Variants in TCF7L1 observed in about 807,000 individuals in gnomAD.
The protein encoded by TCF7L1 is transcription factor 7 like 1.
Under a neutral mutation model 63.7 loss-of-function variants are expected in TCF7L1, and 18 were observed. That is an observed-to-expected ratio of 0.28 (90% CI 0.20 to 0.42). The LOEUF (loss-of-function observed/expected upper bound fraction) is 0.42. Among genes scored for constraint, TCF7L1 ranks in the 10% least tolerant of loss-of-function variants. The probability of loss-of-function intolerance (pLI) is 1.00; values close to 1 mark genes in which losing one functional copy is unlikely to be tolerated. For synonymous variants in TCF7L1, 355 were observed against 340.9 expected (o/e 1.04, Z -0.46); for missense variants, 654 against 779.3 (o/e 0.84, Z 1.91).
At chr2:85,211,148 A>T (rs1679531593) in intron 3 of TCF7L1, among the ~76,000 whole-genome samples, 1 of 152,232 alleles carries the variant, frequency 6.6e-6, no homozygotes, top group African/African-American at 2.4e-5. Context: ...GTATCCAGGG[A>T]TCCAATTGCT....
intron 3 of TCF7L1, among the ~76,000 whole-genome samples, chr2:85,173,070 A>G (rs1203410714): frequency 1.3e-5 from 2 of 152,260 alleles, no homozygotes; most frequent in South Asian, 2.1e-4. Context: ...ATTTTAAAAG[A>G]TCGAAATTTC....
chr2:85,178,263 AC>A (rs1558625138), intron 3 of TCF7L1, among the ~76,000 whole-genome samples: 1 of 152,240 alleles, frequency 6.6e-6, no homozygotes, highest in African/African-American at 2.4e-5. Context: ...CTGTGTTTTC[AC>A]CTGCCATTAG....
intron 3 of TCF7L1, among the ~76,000 whole-genome samples, chr2:85,196,520 T>TC (rs1328481004): frequency 6.6e-6 from 1 of 151,068 alleles, no homozygotes; most frequent in Non-Finnish European, 1.5e-5. Flanking sequence ...TGGTGGTAGG[T>TC]CCCAGCCATC....
chr2:85,281,263 GA>G (rs1284517070), intron 3 of TCF7L1, among the ~76,000 whole-genome samples: 1 of 152,076 alleles, frequency 6.6e-6, no homozygotes, highest in Non-Finnish European at 1.5e-5. Flanking sequence ...GACCTCGAAT[GA>G]TTTGCCCACC....
At chr2:85,196,968 TGCCGCAG>T (rs1341850693) in intron 3 of TCF7L1, among the ~76,000 whole-genome samples, 8 of 152,142 alleles carry the variant, frequency 5.3e-5, no homozygotes, top group African/African-American at 1.9e-4. Context: ...CACACCAACC[TGCCGCAG>T]GCCATCCAAA....
chr2:85,234,176 G>A (rs546427757), intron 3 of TCF7L1, among the ~76,000 whole-genome samples: 37 of 116,712 alleles, frequency 3.2e-4, no homozygotes, highest in Admixed American at 2.0e-3. Context: ...TCGCTCTTTC[G>A]CCAGGCTGGA....
intron 3 of TCF7L1, among the ~76,000 whole-genome samples, chr2:85,176,812 C>T (rs939379948): frequency 2.0e-5 from 3 of 152,026 alleles, no homozygotes; most frequent in Admixed American, 2.0e-4. Flanking sequence ...CATGGTGAAA[C>T]CTTGTCTCTA....
intron 3 of TCF7L1, among the ~76,000 whole-genome samples, chr2:85,230,829 A>G (rs11674371): frequency 0.23 from 35,130 of 152,108 alleles, 5,028 homozygotes; most frequent in Non-Finnish European, 0.33. Flanking sequence ...AAATTGTAAT[A>G]GCTTCAAGGC....
chr2:85,151,008 T>C (rs1251985368), intron 3 of TCF7L1, among the ~76,000 whole-genome samples: 12 of 152,196 alleles, frequency 7.9e-5, no homozygotes, highest in Non-Finnish European at 2.9e-5. Context: ...ATAGAACATA[T>C]TTGTGCATAC....
rs149285472 is a variant in TCF7L1 at position 85,156,015 on chromosome 2, G to A, written c.441+21565G>A. Among the ~76,000 whole-genome samples, 902 of 152,242 alleles carry A rather than the reference G, an allele frequency of 5.9e-3. 7 individuals carry two copies. Among genetic ancestry groups the A allele is most frequent in the African/African-American group, 0.021 (855 of 41,542 alleles). On this transcript the variant is annotated intron_variant, in intron 3 of 11. Coordinates refer to ENST00000282111, the MANE Select transcript of TCF7L1 (RefSeq NM_031283.3). ...TAAATTAAAAACAAATGTTAAAGAA[G>A]TCATAATGAGGTAAAAAAAGGAGTT...
intron 3 of TCF7L1, among the ~76,000 whole-genome samples, chr2:85,149,625 C>T (rs1276089289): frequency 6.6e-6 from 1 of 151,968 alleles, no homozygotes; most frequent in Non-Finnish European, 1.5e-5. Flanking sequence ...CCCGGGTTCA[C>T]GCCATTCTCC....
chr2:85,204,768 T>C lies in TCF7L1; in HGVS notation c.441+70318T>C, dbSNP rs1679361578. On this transcript the variant is annotated intron_variant, in intron 3 of 11. Coordinates refer to ENST00000282111, the MANE Select transcript of TCF7L1 (RefSeq NM_031283.3). Reference sequence around the variant, plus strand: ...ACTGTAATGAATAGTATGGGAGTGATACCCTTGCCAACTTTTTAAAAATTT... The same window carrying C: ...ACTGTAATGAATAGTATGGGAGTGACACCCTTGCCAACTTTTTAAAAATTT... 2.0e-5 allele frequency among the ~76,000 whole-genome samples: 3 copies of C among 152,192 alleles called. 1 individual carries two copies. In the South Asian group the frequency reaches 6.2e-4, roughly 31 times the overall value.
chr2:85,160,053 C>T (rs569513397), intron 3 of TCF7L1, among the ~76,000 whole-genome samples: 1 of 152,238 alleles, frequency 6.6e-6, no homozygotes, highest in Non-Finnish European at 1.5e-5. Context: ...AGGCTTTTTT[C>T]CTTTCAAAAA....
At position 85,170,073 on chromosome 2, in the gene TCF7L1, A is replaced by G. The variant is rs564194533; in HGVS notation, c.441+35623A>G. On this transcript the variant is annotated intron_variant, in intron 3 of 11. Coordinates refer to ENST00000282111, the MANE Select transcript of TCF7L1 (RefSeq NM_031283.3). ...GAGCATGACAAGATAGCCTTGAAAGATGAATATTTCAGAGAGAGGAGGATG... is the reference window on the plus strand; with the variant it reads ...GAGCATGACAAGATAGCCTTGAAAGGTGAATATTTCAGAGAGAGGAGGATG... 1.2e-4 allele frequency among the ~76,000 whole-genome samples: 18 copies of G among 152,358 alleles called. 1 individual carries two copies. In the Middle Eastern group the frequency reaches 0.01, roughly 86 times the overall value.
intron 3 of TCF7L1, chr2:85,186,792 A>C (rs1572982408): frequency 6.6e-6 from 1 of 152,226 alleles, no homozygotes; most frequent in East Asian, 1.9e-4. Flanking sequence ...AGGAAGGAAA[A>C]TACTAGGTAG....
chr2:85,153,328 T>C (rs561602854), intron 3 of TCF7L1, among the ~76,000 whole-genome samples: 2 of 149,064 alleles, frequency 1.3e-5, no homozygotes, highest in Non-Finnish European at 3.0e-5. Context: ...ATGATCTTGC[T>C]AGCCTTTATA....
intron 3 of TCF7L1, among the ~76,000 whole-genome samples, chr2:85,184,371 G>A (rs1678867235): frequency 6.6e-6 from 1 of 152,194 alleles, no homozygotes; most frequent in Non-Finnish European, 1.5e-5. Context: ...CAGTGTTCGG[G>A]AAAGTGGAGT....
chr2:85,240,942 G>T (rs1054513228), intron 3 of TCF7L1, among the ~76,000 whole-genome samples: 1 of 152,156 alleles, frequency 6.6e-6, no homozygotes, highest in African/African-American at 2.4e-5. Context: ...GTAAAAGTAT[G>T]TGATGCTTTT....
At chr2:85,151,784 C>G (rs559529702) in intron 3 of TCF7L1, among the ~76,000 whole-genome samples, 1 of 152,148 alleles carries the variant, frequency 6.6e-6, no homozygotes, top group Admixed American at 6.5e-5. Context: ...TACAAGGTGC[C>G]CAGTTAATTA....
Sources: gnomAD v4.1 joint callset for allele counts (sites outside exome capture counted in the v4.1 genomes callset) on GRCh38, gnomAD v4.1.1 for gene constraint, MANE v1.5 for transcripts, NCBI Gene and HGNC (gene_info 2026-07-23, HGNC 2026-07-21) for gene names.